GPC6: variants seen among roughly 807,000 people sequenced by gnomAD.
The protein encoded by GPC6 is glypican 6.
Under a neutral mutation model 55.2 loss-of-function variants are expected in GPC6, and 14 were observed. The observed-to-expected ratio is 0.25, with a 90% CI of 0.17 to 0.40. GPC6 has a LOEUF of 0.40. Among genes scored for constraint, GPC6 ranks in the 10% least tolerant of loss-of-function variants. The pLI, the probability that GPC6 is intolerant of heterozygous loss-of-function variation, is 1.00. For missense variants in GPC6, 641 were observed against 708.5 expected (o/e 0.90, Z 1.08); for synonymous variants, 278 against 259.6 (o/e 1.07, Z -0.68).
At chr13:93,462,316 C>G (rs911874938) in intron 1 of GPC6, among the ~76,000 whole-genome samples, 1 of 152,092 alleles carries the variant, frequency 6.6e-6, no homozygotes, top group Non-Finnish European at 1.5e-5. Context: ...ATGACAGACT[C>G]TAATCAGGAT....
intron 3 of GPC6, among the ~76,000 whole-genome samples, chr13:93,856,908 T>G (rs928705640): frequency 2.6e-5 from 4 of 151,634 alleles, no homozygotes; most frequent in African/African-American, 9.7e-5. Flanking sequence ...TTCTTGTGGA[T>G]TTAATAAAAT....
chr13:93,952,853 C>CGTATATAT (rs1879320475), intron 3 of GPC6, among the ~76,000 whole-genome samples: 1 of 130,744 alleles, frequency 7.6e-6, no homozygotes, highest in African/African-American at 2.7e-5. Context: ...CATATATATA[C>CGTATATAT]GTATATATAT....
intron 3 of GPC6, among the ~76,000 whole-genome samples, chr13:93,963,910 A>G (rs540836427): frequency 1.3e-5 from 2 of 152,300 alleles, no homozygotes; most frequent in South Asian, 2.1e-4. Context: ...GTTTGTTCCA[A>G]GTATCAGGAG....
At chr13:93,711,331 G>A (rs910991510) in intron 2 of GPC6, among the ~76,000 whole-genome samples, 4 of 151,572 alleles carry the variant, frequency 2.6e-5, no homozygotes, top group African/African-American at 4.8e-5. Context: ...GGGAACTCCC[G>A]TTCATAAAAC....
chr13:93,733,948 T>A (rs1883911171), intron 2 of GPC6, among the ~76,000 whole-genome samples: 1 of 152,216 alleles, frequency 6.6e-6, no homozygotes, highest in South Asian at 2.1e-4. Context: ...TTTCATGTTC[T>A]TTCATTCATG....
At chr13:93,378,522 A>T (rs1455205972) in intron 1 of GPC6, among the ~76,000 whole-genome samples, 1 of 152,072 alleles carries the variant, frequency 6.6e-6, no homozygotes, top group Admixed American at 6.5e-5. Context: ...ACATGGTGAT[A>T]TTTTAGTACT....
intron 1 of GPC6, among the ~76,000 whole-genome samples, chr13:93,419,327 A>C (rs979191653): frequency 1.3e-5 from 2 of 151,806 alleles, no homozygotes; most frequent in Non-Finnish European, 2.9e-5. Context: ...TGTGTCTTTG[A>C]GCTTTTTATG....
chr13:93,786,543 A>G (rs1885819188), intron 2 of GPC6, among the ~76,000 whole-genome samples: 1 of 152,064 alleles, frequency 6.6e-6, no homozygotes. Flanking sequence ...ATACACAGCT[A>G]CTATACATGG....
At chr13:93,739,693 T>C (rs1038579741) in intron 2 of GPC6, among the ~76,000 whole-genome samples, 1 of 152,156 alleles carries the variant, frequency 6.6e-6, no homozygotes, top group Non-Finnish European at 1.5e-5. Context: ...CGTCCCAAAG[T>C]GCTGGGATTA....
chr13:93,701,389 TAC>T (rs1472339370), intron 2 of GPC6, among the ~76,000 whole-genome samples: 25 of 150,742 alleles, frequency 1.7e-4, no homozygotes, highest in Non-Finnish European at 1.5e-4. Context: ...CATTAATAAA[TAC>T]TTTATTGCTA....
intron 4 of GPC6, among the ~76,000 whole-genome samples, chr13:94,277,607 A>G (rs1244155831): frequency 6.6e-6 from 1 of 152,124 alleles, no homozygotes; most frequent in African/African-American, 2.4e-5. Flanking sequence ...TAATTTTTGT[A>G]TAAGGTGTAA....
intron 6 of GPC6, among the ~76,000 whole-genome samples, chr13:94,307,737 A>G (rs968627048): frequency 6.6e-6 from 1 of 152,194 alleles, no homozygotes; most frequent in Admixed American, 6.5e-5. Context: ...GATGGTTTTC[A>G]TTAGATTATA....
intron 3 of GPC6, among the ~76,000 whole-genome samples, chr13:93,895,727 A>G (rs935601701): frequency 6.6e-6 from 1 of 152,044 alleles, no homozygotes; most frequent in Admixed American, 6.6e-5. Flanking sequence ...ACCTGCTATT[A>G]CTGTTCTGCA....
intron 1 of GPC6, among the ~76,000 whole-genome samples, chr13:93,311,856 G>A (rs1263793738): frequency 6.6e-6 from 1 of 152,048 alleles, no homozygotes; most frequent in Non-Finnish European, 1.5e-5. Flanking sequence ...CCAGCTTCTC[G>A]CCTGGATGTC....
At chr13:93,256,169 C>CA (rs1230331244) in intron 1 of GPC6, among the ~76,000 whole-genome samples, 7,210 of 54,178 alleles carry the variant, frequency 0.13, 350 homozygotes, top group African/African-American at 0.16. Flanking sequence ...GACTCCATCT[C>CA]AAAAAAAAAA....
chr13:93,888,076 T>G (rs1052564314), intron 3 of GPC6, among the ~76,000 whole-genome samples: 1 of 152,124 alleles, frequency 6.6e-6, no homozygotes, highest in African/African-American at 2.4e-5. Flanking sequence ...GAATGAATAC[T>G]AGGAAGTCCT....
At chr13:94,247,018 C>G (rs118076219) in intron 4 of GPC6, among the ~76,000 whole-genome samples, 7,605 of 151,904 alleles carry the variant, frequency 0.05, 246 homozygotes, top group African/African-American at 0.079. Flanking sequence ...TATTTGTGTC[C>G]TCTTCAATTT....
chr13:93,527,124 A>G (rs754016592), intron 1 of GPC6, among the ~76,000 whole-genome samples: 3 of 152,046 alleles, frequency 2.0e-5, no homozygotes, highest in East Asian at 1.9e-4. Context: ...TTTGATATAC[A>G]TATACAGAAT....
At chr13:93,514,232 G>A (rs1238272995) in intron 1 of GPC6, among the ~76,000 whole-genome samples, 1 of 152,094 alleles carries the variant, frequency 6.6e-6, no homozygotes, top group Non-Finnish European at 1.5e-5. Flanking sequence ...TTGGTTGGCT[G>A]AACAGACGTC....
Sources: gnomAD v4.1 joint callset for allele counts (sites outside exome capture counted in the v4.1 genomes callset) on GRCh38, gnomAD v4.1.1 for gene constraint, MANE v1.5 for transcripts, NCBI Gene and HGNC (gene_info 2026-07-23, HGNC 2026-07-21) for gene names.